The following RGPD8 variants were observed in gnomAD, a reference collection of about 807,000 sequenced individuals.
RGPD8 encodes the protein RANBP2 like and GRIP domain containing 8.
Under a neutral mutation model 89.1 loss-of-function variants are expected in RGPD8, and 15 were observed. That is an observed-to-expected ratio of 0.17 (90% CI 0.11 to 0.26). The LOEUF (loss-of-function observed/expected upper bound fraction) is 0.26, where lower values mean the gene tolerates loss of function less well. RGPD8 is among the 10% of genes least tolerant of loss of function. RGPD8 has a pLI of 1.00. For missense variants in RGPD8, 178 were observed against 1,179.6 expected (o/e 0.15, Z 12.44); for synonymous variants, 62 against 420.9 (o/e 0.15, Z 10.44).
chr2:112,415,347 G>A (rs371291005), intron 6 of RGPD8, among the ~76,000 whole-genome samples: 1 of 152,054 alleles, frequency 6.6e-6, no homozygotes, highest in Non-Finnish European at 1.5e-5. Context: ...GGCCCATGAG[G>A]CCTGATTAAC....
intron 20 of RGPD8, chr2:112,384,683 A>C (rs1205900103): frequency 1.6e-6 from 1 of 610,822 alleles, no homozygotes; most frequent in African/African-American, 2.0e-5. Flanking sequence ...CAGTCAAAAA[A>C]ATTGACAAAG....
At chr2:112,416,658 GT>G (rs1318591600) in intron 6 of RGPD8, among the ~76,000 whole-genome samples, 1 of 130,578 alleles carries the variant, frequency 7.7e-6, no homozygotes, top group Non-Finnish European at 1.6e-5. Flanking sequence ...TCCAAGTGAT[GT>G]TTTTGTTCAA....
chr2:112,432,452 C>T (rs1045052990), intron 1 of RGPD8: 31 of 984,128 alleles, frequency 3.1e-5, no homozygotes, highest in African/African-American at 1.2e-4. Context: ...CGACAAACAC[C>T]TCATACTCAA....
At chr2:112,422,815 TAGAA>T (rs1318394729) in intron 2 of RGPD8, among the ~76,000 whole-genome samples, 156 bp from the exon 3 acceptor site, 180 of 53,360 alleles carry the variant, frequency 3.4e-3, no homozygotes, top group African/African-American at 0.013. Flanking sequence ...AAAGTATTCA[TAGAA>T]AGAAATGGGT....
chr2:112,381,872 A>G (rs1288853785), intron 20 of RGPD8, among the ~76,000 whole-genome samples: 1 of 152,284 alleles, frequency 6.6e-6, no homozygotes, highest in East Asian at 1.9e-4. Context: ...TAATTTTTCC[A>G]TTTGGACAGT....
intron 20 of RGPD8, among the ~76,000 whole-genome samples, chr2:112,385,278 A>C (rs1423121966): frequency 6.6e-6 from 1 of 151,138 alleles, no homozygotes; most frequent in Non-Finnish European, 1.5e-5. Flanking sequence ...GGCTGAAAAC[A>C]ACCCATCCCC....
chr2:112,414,242 G>A lies in RGPD8; in HGVS notation c.783-1616C>T, dbSNP rs539896230. Among the ~76,000 whole-genome samples the A allele has an allele frequency of 6.8e-3, 899 of 131,346 alleles. 70 individuals are homozygous for A. Among genetic ancestry groups the A allele is most frequent in the Non-Finnish European group, 9.5e-3 (592 of 62,102 alleles). The allele number at this position is 131,346 out of a possible 152,430, so 86.2% of individuals were successfully genotyped here. ...TGTAATTCCAGCACTTTGGGAGGCC[G>A]AGGCGGGTGGATCACCTGAGGTCAG... is the stretch of plus-strand genomic sequence containing the variant. On this transcript the variant is annotated intron_variant, in intron 6 of 22. Transcript: ENST00000302558.
rs569277022 is a variant in RGPD8, at chr2:112,408,831, G to A, written c.979-2447C>T. Among the ~76,000 whole-genome samples, 10 of 151,944 alleles carry A rather than the reference G, an allele frequency of 6.6e-5. No individual in the cohort carries two copies. In the East Asian group the frequency reaches 7.7e-4, roughly 12 times the overall value. ...GGACTACAGGCACCCGCCACCATGC[G>A]TGGCTAATTTTTGTATTTTTAGTAG... On this transcript the variant is annotated intron_variant, in intron 7 of 22. Transcript: ENST00000302558.
At position 112,417,236 on chromosome 2, in the gene RGPD8, G is replaced by T. The variant is rs753033521; in HGVS notation, c.739C>A (p.Leu247Ile). Residue 247 changes from leucine (L) to isoleucine (I), a missense_variant, in exon 6 of 23, where the codon CTT becomes ATT. Coordinates refer to ENST00000302558, the MANE Select transcript of RGPD8 (RefSeq NM_001164463.1). ...LAYANLMLLT[L>I]STRDVQENRE... ...TTTTCCTGCACATCTCTAGTGGAAA[G>T]CGTAAGAAGCATAAGATTAGCATAG... 6.2e-7 allele frequency: 1 copy of T among 1,610,194 alleles called. No individual in the cohort carries two copies. The highest frequency in any genetic ancestry group is 1.4e-5 in the African/African-American group (1 of 73,324).
chr2:112,424,732 C>T (rs1679694319), intron 1 of RGPD8, among the ~76,000 whole-genome samples: 1 of 148,872 alleles, frequency 6.7e-6, no homozygotes, highest in African/African-American at 2.5e-5. Context: ...ACTCCATCTC[C>T]CAAACATCAT....
At chr2:112,430,848 C>G (rs1341471985) in intron 1 of RGPD8, among the ~76,000 whole-genome samples, 1 of 151,792 alleles carries the variant, frequency 6.6e-6, no homozygotes, top group Non-Finnish European at 1.5e-5. Flanking sequence ...TCTCAGCTAC[C>G]CAGGAGGCTA....
At chr2:112,429,552 A>G (rs1317964127) in intron 1 of RGPD8, among the ~76,000 whole-genome samples, 1 of 151,948 alleles carries the variant, frequency 6.6e-6, no homozygotes, top group Non-Finnish European at 1.5e-5. Context: ...AAAACAACTA[A>G]CAGCTGTCAA....
intron 7 of RGPD8, among the ~76,000 whole-genome samples, chr2:112,410,553 G>T (rs1679131569): frequency 6.6e-6 from 1 of 151,606 alleles, no homozygotes; most frequent in Non-Finnish European, 1.5e-5. Flanking sequence ...CGAGTTGGGT[G>T]GATCACGAGG....
intron 7 of RGPD8, among the ~76,000 whole-genome samples, chr2:112,410,890 A>G (rs1227948607): frequency 1.3e-5 from 2 of 152,300 alleles, no homozygotes; most frequent in Non-Finnish European, 2.9e-5. Flanking sequence ...GCTCAAGACC[A>G]GCCTGACCAA....
chr2:112,430,038 A>G (rs1270850118), intron 1 of RGPD8, among the ~76,000 whole-genome samples: 1 of 152,228 alleles, frequency 6.6e-6, no homozygotes, highest in Non-Finnish European at 1.5e-5. Flanking sequence ...CGGCCTCCCA[A>G]AGTGCTCGGA....
chr2:112,431,369 G>C (rs1386537626), intron 1 of RGPD8, among the ~76,000 whole-genome samples: 1 of 152,178 alleles, frequency 6.6e-6, no homozygotes, highest in African/African-American at 2.4e-5. Flanking sequence ...TACTATGCTA[G>C]CAGTTTGAAA....
chr2:112,408,678 T>G (rs1311148694), intron 7 of RGPD8, among the ~76,000 whole-genome samples: 1 of 152,224 alleles, frequency 6.6e-6, no homozygotes, highest in Non-Finnish European at 1.5e-5. Flanking sequence ...ATTTCCTTTT[T>G]TTTTTTTTTG....
chr2:112,415,251 G>C (rs1203183302), intron 6 of RGPD8, among the ~76,000 whole-genome samples: 6 of 152,208 alleles, frequency 3.9e-5, no homozygotes, highest in African/African-American at 1.4e-4. Flanking sequence ...CGAGCGTGGT[G>C]GTGGGCGCCT....
chr2:112,379,869 G>A (rs1678224068), intron 21 of RGPD8, among the ~76,000 whole-genome samples: 1 of 150,344 alleles, frequency 6.7e-6, no homozygotes, highest in Non-Finnish European at 1.5e-5. Context: ...GGAAAAGCAT[G>A]TACTTTTCAG....
Sources: gnomAD v4.1 joint callset for allele counts (sites outside exome capture counted in the v4.1 genomes callset) on GRCh38, gnomAD v4.1.1 for gene constraint, MANE v1.5 for transcripts, NCBI Gene and HGNC (gene_info 2026-07-23, HGNC 2026-07-21) for gene names.